CNTN4: variants seen among roughly 807,000 people sequenced by gnomAD.
CNTN4 encodes contactin-4.
A neutral mutation model predicts 122.5 loss-of-function variants in CNTN4; 77 were observed. That is an observed-to-expected ratio of 0.63 (90% CI 0.52 to 0.76). CNTN4 has a LOEUF of 0.76. CNTN4 is among the 30% of genes least tolerant of loss of function. The probability of loss-of-function intolerance (pLI) is 0.00; values close to 1 mark genes in which losing one functional copy is unlikely to be tolerated. For missense variants in CNTN4, 1,256 were observed against 1,259.1 expected (o/e 1.00, Z 0.04); for synonymous variants, 512 against 447.0 (o/e 1.15, Z -1.83).
chr3:2,770,647 A>T (rs956701984), intron 6 of CNTN4, among the ~76,000 whole-genome samples: 2 of 152,260 alleles, frequency 1.3e-5, no homozygotes, highest in African/African-American at 4.8e-5. Flanking sequence ...AAACAAACAG[A>T]AACTATCCAG....
intron 17 of CNTN4, among the ~76,000 whole-genome samples, chr3:3,036,748 CAG>C (rs10617900): frequency 1.8e-3 from 263 of 144,458 alleles, no homozygotes; most frequent in Middle Eastern, 0.011. Flanking sequence ...CCCTGGGCAT[CAG>C]AGAGAGAGAG....
chr3:2,818,502 G>T (rs1279471803), intron 6 of CNTN4, among the ~76,000 whole-genome samples: 1 of 152,128 alleles, frequency 6.6e-6, no homozygotes, highest in Non-Finnish European at 1.5e-5. Context: ...CAACATACTT[G>T]AATTGGAAGT....
intron 8 of CNTN4, 61 bp from the exon 9 acceptor site, chr3:2,883,084 G>A (rs2093930949): frequency 2.5e-6 from 3 of 1,206,138 alleles, no homozygotes; most frequent in Admixed American, 3.7e-5. Context: ...AGAAAAATGA[G>A]TTTTACATTT....
chr3:2,736,251 A>AACC lies in CNTN4; in HGVS notation c.94_96dup (p.Pro32dup), dbSNP rs1264373545. 6.2e-7 allele frequency: 1 copy of AACC among 1,613,714 alleles called. No homozygotes were observed. Among genetic ancestry groups the AACC allele is most frequent in the South Asian group, 1.1e-5 (1 of 91,068 alleles). On this transcript the variant is annotated inframe_insertion, in exon 5 of 25. Coordinates refer to ENST00000418658, the MANE Select transcript of CNTN4 (RefSeq NM_175607.3). ...CTGCATGGCCCGATTTTTATTCAAG[A>AACC]ACCAAGTCCTGTAATGTTCCCTTTG...
intron 2 of CNTN4, among the ~76,000 whole-genome samples, chr3:2,131,255 T>G (rs1396778824): frequency 6.6e-6 from 1 of 152,164 alleles, no homozygotes; most frequent in East Asian, 1.9e-4. Flanking sequence ...CTAAGTCGAA[T>G]TAGACACCAA....
At chr3:2,187,225 A>G (rs537999113) in intron 2 of CNTN4, among the ~76,000 whole-genome samples, 12 of 152,264 alleles carry the variant, frequency 7.9e-5, no homozygotes, top group Admixed American at 2.6e-4. Flanking sequence ...TTTGTCAAAG[A>G]TCAGATGGTT....
At chr3:2,571,802 T>G (rs2079432960) in intron 4 of CNTN4, among the ~76,000 whole-genome samples, 1 of 152,198 alleles carries the variant, frequency 6.6e-6, no homozygotes, top group Non-Finnish European at 1.5e-5. Flanking sequence ...TAGAGTCGTT[T>G]GAGCCATTAT....
At chr3:2,535,449 A>G (rs75580547) in intron 3 of CNTN4, among the ~76,000 whole-genome samples, 5 of 152,202 alleles carry the variant, frequency 3.3e-5, no homozygotes, top group Non-Finnish European at 5.9e-5. Flanking sequence ...TGTACTTTCA[A>G]ATTTTCACTT....
At chr3:2,477,854 A>T (rs1406748477) in intron 3 of CNTN4, among the ~76,000 whole-genome samples, 1 of 152,206 alleles carries the variant, frequency 6.6e-6, no homozygotes, top group Admixed American at 6.5e-5. Flanking sequence ...GTGGCCATTC[A>T]AGCAAGAAGG....
chr3:2,761,446 G>C (rs1464990563), intron 6 of CNTN4, among the ~76,000 whole-genome samples: 2 of 53,558 alleles, frequency 3.7e-5, no homozygotes, highest in African/African-American at 7.7e-5. Context: ...ACCTGTGTGT[G>C]TGTGTGTGTG....
intron 6 of CNTN4, among the ~76,000 whole-genome samples, chr3:2,800,335 TC>T (rs1480144527): frequency 2.6e-5 from 4 of 152,298 alleles, no homozygotes; most frequent in Non-Finnish European, 4.4e-5. Context: ...TTAATTTTTT[TC>T]GGGTCTAGAC....
chr3:2,417,827 G>A lies in CNTN4; in HGVS notation c.-89+78594G>A, dbSNP rs1018414799. ...AAAAAGAAATGAGCTATCAAGCCAT[G>A]AAAAGACATAGAAGAAACTTAAATG... On this transcript the variant is annotated intron_variant, in intron 3 of 24. Coordinates refer to ENST00000418658, the MANE Select transcript of CNTN4 (RefSeq NM_175607.3). Among the ~76,000 whole-genome samples the A allele has an allele frequency of 6.6e-5, 10 of 152,132 alleles. No individual in the cohort carries two copies. The East Asian group carries it at 1.9e-3, about 29-fold the overall frequency.
chr3:2,292,623 TTAGAG>T (rs71621480), intron 2 of CNTN4, among the ~76,000 whole-genome samples: 26,142 of 152,040 alleles, frequency 0.17, 2,296 homozygotes, highest in Middle Eastern at 0.21. Context: ...TTTTTATCCC[TTAGAG>T]TATTTTTACT....
At chr3:2,720,631 C>G (rs1377981407) in intron 4 of CNTN4, among the ~76,000 whole-genome samples, 1 of 152,150 alleles carries the variant, frequency 6.6e-6, no homozygotes, top group Non-Finnish European at 1.5e-5. Flanking sequence ...ATGTGTCTTC[C>G]TATCTATTAG....
intron 2 of CNTN4, among the ~76,000 whole-genome samples, chr3:2,166,931 T>G (rs1359326650): frequency 6.6e-6 from 1 of 152,044 alleles, no homozygotes; most frequent in Admixed American, 6.6e-5. Flanking sequence ...GAGTAAAAAT[T>G]TGGAAGAAAG....
intron 2 of CNTN4, among the ~76,000 whole-genome samples, chr3:2,289,852 A>G (rs1451585564): frequency 2.0e-5 from 3 of 152,222 alleles, no homozygotes; most frequent in African/African-American, 4.8e-5. Flanking sequence ...GTGGCTGAAT[A>G]ACATTAAAAA....
chr3:2,209,890 C>G (rs1167473413), intron 2 of CNTN4, among the ~76,000 whole-genome samples: 1 of 152,036 alleles, frequency 6.6e-6, no homozygotes, highest in Non-Finnish European at 1.5e-5. Context: ...AGCAAGTGCT[C>G]TCTGTGGGCC....
chr3:2,582,530 C>T (rs557419741), intron 4 of CNTN4, among the ~76,000 whole-genome samples: 2 of 152,272 alleles, frequency 1.3e-5, no homozygotes, highest in Admixed American at 6.5e-5. Context: ...TGCCCAGCAA[C>T]AATGTGCAAC....
intron 2 of CNTN4, among the ~76,000 whole-genome samples, chr3:2,228,111 A>C (rs569009291): frequency 6.6e-6 from 1 of 152,262 alleles, no homozygotes; most frequent in African/African-American, 2.4e-5. Context: ...TTCTAGTTAC[A>C]AGTGATTTTT....
Sources: allele counts gnomAD v4.1 joint callset (sites outside exome capture counted in the v4.1 genomes callset), GRCh38; gene constraint gnomAD v4.1.1; transcripts MANE v1.5; gene names NCBI Gene and HGNC (gene_info 2026-07-23, HGNC 2026-07-21).